SLC35F3: variants seen among roughly 807,000 people sequenced by gnomAD.
SLC35F3 encodes solute carrier family 35 member F3, also known as putative thiamine transporter SLC35F3.
Under a neutral mutation model 49.9 loss-of-function variants are expected in SLC35F3, and 25 were observed. The observed-to-expected ratio is 0.50, with a 90% CI of 0.37 to 0.70. The LOEUF is 0.70. Ranked by LOEUF, SLC35F3 falls within the 30% of genes least tolerant of loss-of-function variation. SLC35F3 has a pLI of 0.00. For missense variants in SLC35F3, 525 were observed against 639.8 expected (o/e 0.82, Z 1.94); for synonymous variants, 275 against 265.4 (o/e 1.04, Z -0.35).
At position 234,221,587 on chromosome 1, in the gene SLC35F3, G is replaced by T. The variant is rs546751227; in HGVS notation, c.284-9830G>T. ...GATGGATGGGGACTGAAGACTTGAA[G>T]AGGTGGGAAAGGGTTCAGAACAGCC... On this transcript the variant is annotated intron_variant, in intron 2 of 7. Transcript: ENST00000366618. Among the ~76,000 whole-genome samples the T allele has an allele frequency of 3.4e-4, 52 of 152,292 alleles. No individual in the cohort carries two copies. The South Asian group carries it at 7.0e-3, about 21-fold the overall frequency.
intron 2 of SLC35F3, among the ~76,000 whole-genome samples, chr1:234,222,664 CA>C (rs1667225801): frequency 6.6e-6 from 1 of 152,192 alleles, no homozygotes; most frequent in South Asian, 2.1e-4. Context: ...CAGGAGAGGG[CA>C]GTGTCTTTGC....
chr1:234,004,474 C>A (rs934130413), intron 2 of SLC35F3, among the ~76,000 whole-genome samples: 31 of 152,114 alleles, frequency 2.0e-4, no homozygotes, highest in African/African-American at 7.2e-4. Context: ...TAATGACACT[C>A]AATTATCATA....
chr1:233,918,711 G>C (rs1662009986), intron 2 of SLC35F3, among the ~76,000 whole-genome samples: 1 of 152,032 alleles, frequency 6.6e-6, no homozygotes, highest in Non-Finnish European at 1.5e-5. Flanking sequence ...AGGTTGCAGT[G>C]AGCCAAGATC....
In SLC35F3 at chr1:234,323,074, G is replaced by T. The variant is rs571477594; in HGVS notation, c.1304G>T (p.Gly435Val). The T allele has an allele frequency of 1.9e-6, 3 of 1,614,112 alleles. No individual in the cohort carries two copies. The highest frequency in any genetic ancestry group is 3.3e-5 in the Admixed American group (2 of 60,022). Residue 435 changes from glycine to valine, a missense_variant, in exon 8 of 8, where the codon GGC (glycine) becomes GTC (valine). This residue lies in a region of SLC35F3 where 76 missense variants were observed against 95.6 expected (regional missense o/e 0.80). Transcript: ENST00000366618. This position sits in a 1 kb window ranked among gnomAD's most constrained non-coding sequence, Gnocchi z 4.5. ...CGGGTCATCGCCATCATCATCATCG[G>T]CCTGGGTTTTCTCCTCCTGCTCCTG... Reference protein sequence around the residue: ...GVRVIAIIIIGLGFLLLLLPE... With the variant: ...GVRVIAIIIIVLGFLLLLLPE...
chr1:234,099,623 A>AC lies in SLC35F3; in HGVS notation c.284-131794_284-131793insC, dbSNP rs1369680467. Among the ~76,000 whole-genome samples the AC allele has an allele frequency of 3.3e-3, 495 of 150,428 alleles. 4 individuals are homozygous for AC. Among genetic ancestry groups the AC allele is most frequent in the African/African-American group, 0.011 (424 of 40,148 alleles). On this transcript the variant is annotated intron_variant, in intron 2 of 7. Coordinates refer to ENST00000366618, the MANE Select transcript of SLC35F3 (RefSeq NM_173508.4). The stretch of plus-strand genomic sequence containing the variant: ...GACTCTGTCTAAAAAAAAAAAAAAA[A>AC]AAAACAAAAAAAAGATTTTACCAAC...
At chr1:233,945,624 A>G (rs927662618) in intron 2 of SLC35F3, among the ~76,000 whole-genome samples, 3 of 152,232 alleles carry the variant, frequency 2.0e-5, no homozygotes, top group African/African-American at 7.2e-5. Flanking sequence ...ATCTTGAGTT[A>G]TAATAATCCC....
chr1:234,055,728 C>CCAGT, intron 2 of SLC35F3, among the ~76,000 whole-genome samples: 1 of 152,188 alleles, frequency 6.6e-6, no homozygotes, highest in African/African-American at 2.4e-5. Context: ...CCATCTTCTG[C>CCAGT]GTCGCTCACA....
chr1:234,068,858 G>T (rs1426904147), intron 2 of SLC35F3, among the ~76,000 whole-genome samples: 143 of 49,108 alleles, frequency 2.9e-3, no homozygotes, highest in East Asian at 4.6e-3. Flanking sequence ...TATATATATG[G>T]CATATTTATA....
chr1:234,247,996 C>G (rs1359397807), intron 3 of SLC35F3, among the ~76,000 whole-genome samples: 4 of 152,172 alleles, frequency 2.6e-5, no homozygotes. Flanking sequence ...GGTTGGTTGA[C>G]TGGTTCGTTG....
At chr1:234,254,512 G>A (rs1667786996) in intron 3 of SLC35F3, among the ~76,000 whole-genome samples, 1 of 152,172 alleles carries the variant, frequency 6.6e-6, no homozygotes. Context: ...TTATGAAGAA[G>A]GAGGTAAAAT....
At chr1:234,120,186 C>T (rs1162514865) in intron 2 of SLC35F3, among the ~76,000 whole-genome samples, 2 of 152,234 alleles carry the variant, frequency 1.3e-5, no homozygotes, top group African/African-American at 4.8e-5. Flanking sequence ...ATTGAGGCAT[C>T]TCAAATGGCA....
At chr1:234,112,898 G>T (rs1198728103) in intron 2 of SLC35F3, among the ~76,000 whole-genome samples, 2 of 150,924 alleles carry the variant, frequency 1.3e-5, no homozygotes, top group African/African-American at 4.9e-5. Context: ...CTTAATGACC[G>T]GTTTCAGAAA....
At chr1:234,289,035 G>A (rs1259285470) in intron 3 of SLC35F3, among the ~76,000 whole-genome samples, 4 of 152,188 alleles carry the variant, frequency 2.6e-5, no homozygotes, top group African/African-American at 9.7e-5. Context: ...GGGAAAAGGG[G>A]GGAAGAGAAA....
intron 1 of SLC35F3, 92 bp downstream of exon 1, chr1:233,905,222 T>C: frequency 7.1e-7 from 1 of 1,404,138 alleles, no homozygotes; most frequent in Admixed American, 2.0e-5. Flanking sequence ...CTGGGCAGTC[T>C]GAGGCTCGGG....
chr1:234,181,788 C>A (rs979466862), intron 2 of SLC35F3, among the ~76,000 whole-genome samples: 1 of 152,022 alleles, frequency 6.6e-6, no homozygotes, highest in South Asian at 2.1e-4. Flanking sequence ...TTCTTTATTT[C>A]TTTGTTTTTG....
chr1:234,268,986 A>T (rs1303736260), intron 3 of SLC35F3, among the ~76,000 whole-genome samples: 1 of 152,220 alleles, frequency 6.6e-6, no homozygotes, highest in Non-Finnish European at 1.5e-5. Context: ...TAAATACTAT[A>T]AAAAACGTAA....
intron 4 of SLC35F3, among the ~76,000 whole-genome samples, chr1:234,315,128 G>A (rs1657455757): frequency 6.6e-6 from 1 of 152,174 alleles, no homozygotes; most frequent in African/African-American, 2.4e-5. Context: ...GACTACAAGT[G>A]AATTCCCATA....
chr1:233,913,270 T>C (rs548396402), intron 2 of SLC35F3, among the ~76,000 whole-genome samples: 16 of 152,194 alleles, frequency 1.1e-4, no homozygotes, highest in Admixed American at 7.9e-4. Flanking sequence ...AGGAGTGTCG[T>C]GTATGAAGTT....
In SLC35F3 at chr1:234,226,219, A is replaced by G. The variant is rs566422935; in HGVS notation, c.284-5198A>G. The stretch of plus-strand genomic sequence containing the variant: ...AAATAACTCTATAGACCTTACTGAA[A>G]TAGATGTCAGTTGCAAGGCATCATC... On this transcript the variant is annotated intron_variant, in intron 2 of 7. Transcript: ENST00000366618. Among the ~76,000 whole-genome samples the G allele has an allele frequency of 3.4e-4, 52 of 152,300 alleles. No homozygotes were observed. The South Asian group carries it at 7.0e-3, about 21-fold the overall frequency.
Sources: allele counts gnomAD v4.1 joint callset (sites outside exome capture counted in the v4.1 genomes callset), GRCh38; gene constraint gnomAD v4.1.1; regional missense constraint gnomAD v4.1.1; non-coding constraint Gnocchi (gnomAD v3.1); transcripts MANE v1.5; gene names NCBI Gene and HGNC (gene_info 2026-07-23, HGNC 2026-07-21).